The following MMP16 variants were observed in gnomAD, a reference collection of about 807,000 sequenced individuals.
MMP16 encodes matrix metalloproteinase-16.
MMP16 carries 12 observed loss-of-function variants against 67.8 expected under a neutral mutation model. The ratio of observed to expected loss-of-function variants is 0.18; its 90% confidence interval spans 0.11 to 0.29. The LOEUF (loss-of-function observed/expected upper bound fraction) is 0.29. MMP16 is among the 10% of genes least tolerant of loss of function. The pLI is 1.00. For missense variants in MMP16, 475 were observed against 765.7 expected (o/e 0.62, Z 4.48); for synonymous variants, 249 against 255.9 (o/e 0.97, Z 0.26).
At chr8:88,093,698 C>A (rs1264422472) in intron 6 of MMP16, among the ~76,000 whole-genome samples, 1 of 151,644 alleles carries the variant, frequency 6.6e-6, no homozygotes, top group Non-Finnish European at 1.5e-5. Context: ...TAAAATAACC[C>A]TCAAGCAGCA....
intron 4 of MMP16, among the ~76,000 whole-genome samples, chr8:88,136,829 C>T (rs188427203): frequency 1.3e-4 from 19 of 151,766 alleles, no homozygotes; most frequent in Admixed American, 1.1e-3. Flanking sequence ...GAATATTCCA[C>T]TACATATGTT....
At chr8:88,065,509 T>C (rs867532451) in intron 7 of MMP16, among the ~76,000 whole-genome samples, 38 of 152,166 alleles carry the variant, frequency 2.5e-4, no homozygotes, top group African/African-American at 8.9e-4. Flanking sequence ...CATAAATATT[T>C]ATAATTCAAA....
At chr8:88,099,697 A>AAAAAAAC (rs1282250412) in intron 6 of MMP16, among the ~76,000 whole-genome samples, 3 of 151,828 alleles carry the variant, frequency 2.0e-5, no homozygotes, top group East Asian at 3.9e-4. Flanking sequence ...TCTCTTATTT[A>AAAAAAAC]AAAAAACAAA....
chr8:88,122,418 T>A (rs557183219), intron 4 of MMP16, among the ~76,000 whole-genome samples: 72 of 152,170 alleles, frequency 4.7e-4, no homozygotes, highest in Non-Finnish European at 7.8e-4. Flanking sequence ...TGGCCTTTCA[T>A]ATATAACTTG....
At chr8:88,059,984 TAA>T (rs367848525) in intron 7 of MMP16, among the ~76,000 whole-genome samples, 12 of 135,118 alleles carry the variant, frequency 8.9e-5, no homozygotes, top group Non-Finnish European at 1.1e-4. Context: ...TGAGAAGAGA[TAA>T]AAAAAAAAAA....
chr8:88,293,315 G>A (rs1339130066), intron 1 of MMP16, among the ~76,000 whole-genome samples: 1 of 151,444 alleles, frequency 6.6e-6, no homozygotes, highest in Non-Finnish European at 1.5e-5. Context: ...CCCTTACCCC[G>A]AAACTACTTA....
intron 8 of MMP16, among the ~76,000 whole-genome samples, chr8:88,054,273 C>A (rs1026659230): frequency 6.6e-6 from 1 of 152,126 alleles, no homozygotes. Flanking sequence ...CTCAGCCTTT[C>A]ATTTTTGCCC....
intron 1 of MMP16, among the ~76,000 whole-genome samples, chr8:88,238,585 G>T (rs943745333): frequency 6.8e-6 from 1 of 146,206 alleles, no homozygotes; most frequent in Non-Finnish European, 1.5e-5. Context: ...AGAATCGCTT[G>T]AACACAGGAG....
At chr8:88,215,624 A>C (rs904042203) in intron 1 of MMP16, among the ~76,000 whole-genome samples, 7 of 152,076 alleles carry the variant, frequency 4.6e-5, no homozygotes, top group Admixed American at 1.3e-4. Flanking sequence ...TTACCTTTCC[A>C]TGACACCAGA....
Position 88,312,409 on chromosome 8 carries a change from T to C in MMP16, c.132+14666A>G, listed in dbSNP as rs560400766. Among the ~76,000 whole-genome samples, 11 of 152,304 alleles carry C rather than the reference T, an allele frequency of 7.2e-5. No individual in the cohort carries two copies. The South Asian group carries it at 1.2e-3, about 17-fold the overall frequency. On this transcript the variant is annotated intron_variant, in intron 1 of 9. Coordinates refer to ENST00000286614, the MANE Select transcript of MMP16 (RefSeq NM_005941.5). ...ACTACCAGCAGTTATCATTATTAGG[T>C]TGGTTACTAAGAACCGGATTATATA... is the stretch of plus-strand genomic sequence containing the variant.
Position 88,072,588 on chromosome 8 carries a change from G to C in MMP16, c.1222+2017C>G, listed in dbSNP as rs559775823. Among the ~76,000 whole-genome samples, 3 of 152,198 alleles carry C rather than the reference G, an allele frequency of 2.0e-5. No homozygotes were observed. In the East Asian group the frequency reaches 5.8e-4, roughly 29 times the overall value. ...GCACAACATTCTGGTGGTTAGAGAA[G>C]TCTGGGACAAAAACGAAATTATTGC... On this transcript the variant is annotated intron_variant, in intron 7 of 9. Coordinates refer to ENST00000286614, the MANE Select transcript of MMP16 (RefSeq NM_005941.5).
intron 2 of MMP16, among the ~76,000 whole-genome samples, chr8:88,194,998 AT>A (rs1282018064): frequency 6.6e-6 from 1 of 151,998 alleles, no homozygotes; most frequent in Non-Finnish European, 1.5e-5. Flanking sequence ...TGACACCATC[AT>A]TTTTACTGGT....
rs13253329 is a variant in MMP16 at position 88,149,523 on chromosome 8, G to C, written c.709+18146C>G. Among the ~76,000 whole-genome samples the C allele has an allele frequency of 2.7e-3, 410 of 152,158 alleles. 4 individuals carry two copies. Among genetic ancestry groups the C allele is most frequent in the African/African-American group, 9.0e-3 (374 of 41,480 alleles). ...ACGCGGCTGGAGATCTGAGAACGGG[G>C]GGACTGCCTCCTCAAGTGGGTCCCT... On this transcript the variant is annotated intron_variant, in intron 4 of 9. Coordinates refer to ENST00000286614, the MANE Select transcript of MMP16 (RefSeq NM_005941.5).
intron 7 of MMP16, among the ~76,000 whole-genome samples, chr8:88,068,449 T>C (rs191742630): frequency 9.2e-5 from 14 of 152,258 alleles, no homozygotes; most frequent in African/African-American, 3.4e-4. Flanking sequence ...TTTTGCATGA[T>C]ATCTAAGAAA....
At chr8:88,232,240 A>C (rs1360216887) in intron 1 of MMP16, among the ~76,000 whole-genome samples, 1 of 152,192 alleles carries the variant, frequency 6.6e-6, no homozygotes, top group Non-Finnish European at 1.5e-5. Context: ...TTTTGTAAGA[A>C]ATTCGGTTTT....
intron 3 of MMP16, among the ~76,000 whole-genome samples, chr8:88,186,134 CAGTT>C (rs990533179): frequency 6.1e-4 from 93 of 152,070 alleles, no homozygotes; most frequent in African/African-American, 2.1e-3. Flanking sequence ...GTTTAAATAG[CAGTT>C]ATTTATATAT....
At chr8:88,302,602 GA>G (rs1309073831) in intron 1 of MMP16, among the ~76,000 whole-genome samples, 2 of 151,982 alleles carry the variant, frequency 1.3e-5, no homozygotes, top group Admixed American at 6.6e-5. Flanking sequence ...AGAAGGGGAT[GA>G]AAAAAAGTAG....
intron 3 of MMP16, among the ~76,000 whole-genome samples, chr8:88,179,938 T>C (rs896476734): frequency 1.3e-5 from 2 of 152,034 alleles, no homozygotes; most frequent in Non-Finnish European, 2.9e-5. Context: ...CAACAGCAAA[T>C]AGTTATATAT....
At chr8:88,291,121 T>C (rs1257937681) in intron 1 of MMP16, among the ~76,000 whole-genome samples, 1 of 151,606 alleles carries the variant, frequency 6.6e-6, no homozygotes, top group Non-Finnish European at 1.5e-5. Context: ...TCTCTATAAA[T>C]TTTTTTAAAG....
Sources: allele counts gnomAD v4.1 joint callset (sites outside exome capture counted in the v4.1 genomes callset), GRCh38; gene constraint gnomAD v4.1.1; transcripts MANE v1.5; gene names NCBI Gene and HGNC (gene_info 2026-07-23, HGNC 2026-07-21).